The following LIFR variants were observed in gnomAD, a reference collection of about 807,000 sequenced individuals.
LIFR encodes the protein leukemia inhibitory factor receptor.
In LIFR, 84 loss-of-function variants were observed where a neutral mutation model predicts 122.2. That is an observed-to-expected ratio of 0.69 (90% CI 0.58 to 0.82). The LOEUF is 0.82. LIFR is among the 40% of genes least tolerant of loss of function. The probability of loss-of-function intolerance (pLI) is 0.00; values close to 1 mark genes in which losing one functional copy is unlikely to be tolerated. For synonymous variants in LIFR, 422 were observed against 434.7 expected (o/e 0.97, Z 0.36); for missense variants, 1,294 against 1,311.6 (o/e 0.99, Z 0.21).
chr5:38,503,372 A>G (rs570777392), intron 10 of LIFR, among the ~76,000 whole-genome samples: 1 of 152,300 alleles, frequency 6.6e-6, no homozygotes, highest in South Asian at 2.1e-4. Flanking sequence ...AAATTTGAAT[A>G]TCTGCCTGTT....
At position 38,482,106 on chromosome 5, in the gene LIFR, G is replaced by A. The variant is rs955468058; in HGVS notation, c.2783C>T (p.Pro928Leu). 1.9e-6 allele frequency: 3 copies of A among 1,588,348 alleles called. No homozygotes were observed. The highest frequency in any genetic ancestry group is 1.4e-5 in the African/African-American group (1 of 73,656). ...GCGATCTTCAGGACGCTCAGCTACT[G>A]GGGAAATTATTTCTGTATCTTCTAT... is the stretch of plus-strand genomic sequence containing the variant. ...PKIEDTEIIS[P>L]VAERPEDRSD... Residue 928 changes from proline (P) to leucine (L), a missense_variant, in exon 20 of 20, where the codon CCA becomes CTA. Physicochemically the swap from Pro to Leu is moderately conservative, Grantham distance 98. Transcript: ENST00000453190.
chr5:38,525,061 C>CA (rs1746605761), intron 4 of LIFR, among the ~76,000 whole-genome samples: 1 of 152,108 alleles, frequency 6.6e-6, no homozygotes, highest in African/African-American at 2.4e-5. Context: ...AATCCATGCT[C>CA]AAAGGTTTGG....
chr5:38,523,627 A>AGTT, intron 4 of LIFR, 45 bp from the exon 5 acceptor site: 1 of 1,419,434 alleles, frequency 7.0e-7, no homozygotes, highest in South Asian at 1.2e-5. Context: ...AAAATAAGTA[A>AGTT]TGATTTTTCA....
chr5:38,577,765 C>T (rs1749434977), intron 1 of LIFR, among the ~76,000 whole-genome samples: 1 of 152,152 alleles, frequency 6.6e-6, no homozygotes, highest in African/African-American at 2.4e-5. Context: ...CTTTTTAAAG[C>T]AGATTGGTTT....
chr5:38,557,851 T>G (rs1748666823), upstream of LIFR: 1 of 152,208 alleles, frequency 6.6e-6, no homozygotes, highest in Non-Finnish European at 1.5e-5. Context: ...CATGTGCGTA[T>G]TTTGAACACT....
rs145642086 is a variant in LIFR at position 38,538,337 on chromosome 5, G to A, written c.-19-7671C>T. ...TTGTATGCTAATTACTTCCAAATCC[G>A]TGTTCCCAGGATTGGCCTCTTCCCA... is the stretch of plus-strand genomic sequence containing the variant. On this transcript the variant is annotated intron_variant, in intron 1 of 19. Transcript: ENST00000453190. Among the ~76,000 whole-genome samples, 576 of 152,186 alleles carry A rather than the reference G, an allele frequency of 3.8e-3. 5 individuals carry two copies. Among genetic ancestry groups the A allele is most frequent in the African/African-American group, 0.013 (530 of 41,522 alleles).
intron 1 of LIFR, among the ~76,000 whole-genome samples, chr5:38,549,681 C>T (rs1748094637): frequency 1.3e-5 from 2 of 152,134 alleles, no homozygotes; most frequent in South Asian, 4.1e-4. Flanking sequence ...ATCCCAGCTA[C>T]TTGGGAGGCT....
chr5:38,485,714 A>C (rs1292297405), intron 17 of LIFR, 105 bp downstream of exon 17: 3 of 1,297,168 alleles, frequency 2.3e-6, no homozygotes, highest in Admixed American at 3.6e-5. Context: ...ACAAAATGTG[A>C]ATGTTTTTTA....
intron 5 of LIFR, among the ~76,000 whole-genome samples, chr5:38,521,079 A>G (rs913543851): frequency 2.6e-5 from 4 of 152,054 alleles, no homozygotes; most frequent in African/African-American, 7.2e-5. Flanking sequence ...GTAAGCATGG[A>G]ATGTCTTTGT....
At chr5:38,497,997 T>C (rs1449577531) in intron 12 of LIFR, among the ~76,000 whole-genome samples, 1 of 152,236 alleles carries the variant, frequency 6.6e-6, no homozygotes, top group Non-Finnish European at 1.5e-5. Flanking sequence ...GAACTTACTG[T>C]ATAAAAACAA....
chr5:38,529,607 C>A (rs1416872398), intron 2 of LIFR, among the ~76,000 whole-genome samples: 2 of 151,350 alleles, frequency 1.3e-5, no homozygotes, highest in East Asian at 3.9e-4. Flanking sequence ...AAAAAAGTCA[C>A]CCCGAAAAGA....
At chr5:38,573,098 A>C (rs1386504910) in intron 1 of LIFR, among the ~76,000 whole-genome samples, 8 of 152,274 alleles carry the variant, frequency 5.3e-5, no homozygotes, top group Non-Finnish European at 1.5e-5. Flanking sequence ...AAGTCACACT[A>C]ATCAGCTCAC....
At chr5:38,505,085 C>T (rs549669193) in intron 9 of LIFR, among the ~76,000 whole-genome samples, 57 of 151,970 alleles carry the variant, frequency 3.8e-4, no homozygotes, top group Middle Eastern at 3.4e-3. Flanking sequence ...TATATTAATA[C>T]GATTGGTAAA....
intron 7 of LIFR, 97 bp downstream of exon 7, chr5:38,510,367 A>G: frequency 9.4e-7 from 1 of 1,067,816 alleles, no homozygotes; most frequent in Non-Finnish European, 1.4e-6. Flanking sequence ...AAGAAACAGA[A>G]TCACTCCTCC....
At chr5:38,512,287 C>T (rs1745842107) in intron 5 of LIFR, among the ~76,000 whole-genome samples, 1 of 151,966 alleles carries the variant, frequency 6.6e-6, no homozygotes, top group Admixed American at 6.6e-5. Flanking sequence ...TTTCAGATTG[C>T]ATTATATACT....
intron 1 of LIFR, among the ~76,000 whole-genome samples, chr5:38,562,672 G>T (rs540873326): frequency 6.6e-6 from 1 of 152,340 alleles, no homozygotes; most frequent in African/African-American, 2.4e-5. Flanking sequence ...GGATTGAGCT[G>T]AGGTCCAGCC....
chr5:38,495,433 T>C (rs1371915784), intron 13 of LIFR, among the ~76,000 whole-genome samples: 6 of 152,204 alleles, frequency 3.9e-5, no homozygotes, highest in African/African-American at 1.2e-4. Context: ...CCACAACCCC[T>C]GTGCATCTCC....
intron 5 of LIFR, among the ~76,000 whole-genome samples, chr5:38,514,033 A>G (rs1424755732): frequency 2.0e-5 from 3 of 152,144 alleles, no homozygotes; most frequent in Non-Finnish European, 4.4e-5. Context: ...AAAATAACAT[A>G]AATCCTTTCA....
intron 5 of LIFR, among the ~76,000 whole-genome samples, chr5:38,517,229 A>G (rs1223729069): frequency 6.6e-6 from 1 of 152,060 alleles, no homozygotes; most frequent in African/African-American, 2.4e-5. Context: ...TTTAATAAAT[A>G]AAAAAATAAA....
Sources: allele counts gnomAD v4.1 joint callset (sites outside exome capture counted in the v4.1 genomes callset), GRCh38; gene constraint gnomAD v4.1.1; transcripts MANE v1.5; gene names NCBI Gene and HGNC (gene_info 2026-07-23, HGNC 2026-07-21).